CCDC85A: variants seen among roughly 807,000 people sequenced by gnomAD.
CCDC85A encodes coiled-coil domain containing 85A, also known as coiled-coil domain-containing protein 85A.
CCDC85A carries 38 observed loss-of-function variants against 50.2 expected under a neutral mutation model. The ratio of observed to expected loss-of-function variants is 0.76; its 90% CI spans 0.58 to 0.99. CCDC85A has a LOEUF of 0.99. CCDC85A is among the 50% of genes least tolerant of loss of function. CCDC85A has a pLI of 0.00. For missense variants in CCDC85A, 820 were observed against 742.0 expected (o/e 1.11, Z -1.22); for synonymous variants, 366 against 301.4 (o/e 1.21, Z -2.22).
chr2:56,339,455 C>T (rs538461159), intron 2 of CCDC85A, among the ~76,000 whole-genome samples: 1 of 152,220 alleles, frequency 6.6e-6, no homozygotes, highest in African/African-American at 2.4e-5. Flanking sequence ...TTGGTGAAAA[C>T]ATCAGATATA....
intron 1 of CCDC85A, among the ~76,000 whole-genome samples, chr2:56,191,469 G>C (rs956258761): frequency 5.9e-5 from 9 of 152,142 alleles, no homozygotes; most frequent in Non-Finnish European, 1.2e-4. Flanking sequence ...AGCCTTGTGT[G>C]ACTTAAAGGA....
chr2:56,299,717 G>A (rs1007407051), intron 2 of CCDC85A, among the ~76,000 whole-genome samples: 1 of 152,038 alleles, frequency 6.6e-6, no homozygotes, highest in Non-Finnish European at 1.5e-5. Context: ...TCAAGAAACC[G>A]GGTAAAGTAA....
At chr2:56,307,337 TA>T (rs11464453) in intron 2 of CCDC85A, among the ~76,000 whole-genome samples, 2 of 151,474 alleles carry the variant, frequency 1.3e-5, no homozygotes, top group Admixed American at 6.6e-5. Flanking sequence ...ATGCTTTTTT[TA>T]AAAAAAAACT....
intron 2 of CCDC85A, among the ~76,000 whole-genome samples, chr2:56,298,349 A>G (rs138857295): frequency 1.5e-4 from 23 of 152,282 alleles, no homozygotes; most frequent in Middle Eastern, 3.4e-3. Flanking sequence ...AGCAACATGG[A>G]ATTTCATATT....
rs564476714 is a variant in CCDC85A at position 56,351,761 on chromosome 2, C to G, written c.1317+8806C>G. On this transcript the variant is annotated intron_variant, in intron 3 of 5. Transcript: ENST00000407595. ...TAGATTCTGGATATTAGCCCTTTGT[C>G]AGATGAGTAGGTTGCGAAAATTTTC... Among the ~76,000 whole-genome samples, 324 of 151,106 alleles carry G rather than the reference C, an allele frequency of 2.1e-3. 2 individuals are homozygous for G. Among genetic ancestry groups the G allele is most frequent in the African/African-American group, 7.1e-3 (288 of 40,812 alleles).
chr2:56,192,392 T>C lies in CCDC85A; in HGVS notation c.277-85T>C, dbSNP rs1396627807. 6.6e-7 allele frequency: 1 copy of C among 1,521,298 alleles called. No homozygotes were observed. The highest frequency in any genetic ancestry group is 8.8e-7 in the Non-Finnish European group (1 of 1,135,840). The allele number at this position is 1,521,298 out of a possible 1,614,324, so 94.2% of individuals were successfully genotyped here. A position where few individuals can be genotyped will look rare whatever the true frequency, so the allele number is the denominator to read the frequency against. ...CTAACCTCACAGGTAATTCACCAGTTACAGGCTCTCCCTTTCCAGGAAGTC... is the reference window on the plus strand; with the variant it reads ...CTAACCTCACAGGTAATTCACCAGTCACAGGCTCTCCCTTTCCAGGAAGTC... On this transcript the variant is annotated intron_variant, in intron 1 of 5. Coordinates refer to ENST00000407595, the MANE Select transcript of CCDC85A (RefSeq NM_001080433.2). The surrounding 1 kb of genome is among the most constrained non-coding windows in gnomAD (Gnocchi z 4.7).
chr2:56,352,143 T>G (rs1229725131), intron 3 of CCDC85A, among the ~76,000 whole-genome samples: 1 of 152,344 alleles, frequency 6.6e-6, no homozygotes, highest in African/African-American at 2.4e-5. Context: ...AAAGTGAACA[T>G]GCTTATAAAT....
At chr2:56,355,630 A>G (rs767197397) in intron 3 of CCDC85A, among the ~76,000 whole-genome samples, 4 of 152,222 alleles carry the variant, frequency 2.6e-5, no homozygotes, top group Non-Finnish European at 4.4e-5. Flanking sequence ...AGAAAAATAA[A>G]ATAAGACAGC....
chr2:56,258,630 C>T (rs767708510), intron 2 of CCDC85A, among the ~76,000 whole-genome samples: 9 of 152,040 alleles, frequency 5.9e-5, no homozygotes, highest in Admixed American at 1.3e-4. Flanking sequence ...CAGGAGAGAC[C>T]GGAATATATC....
At chr2:56,215,529 T>A (rs540853731) in intron 2 of CCDC85A, among the ~76,000 whole-genome samples, 5 of 151,824 alleles carry the variant, frequency 3.3e-5, no homozygotes, top group Non-Finnish European at 7.4e-5. Flanking sequence ...TGTAGATTTT[T>A]AAAAAATCAA....
rs540601308 is a variant in CCDC85A, at chr2:56,357,979, A to G, written c.1318-14365A>G. Among the ~76,000 whole-genome samples, 62 of 152,204 alleles carry G rather than the reference A, an allele frequency of 4.1e-4. 1 individual carries two copies. In the South Asian group the frequency reaches 8.7e-3, roughly 21 times the overall value. On this transcript the variant is annotated intron_variant, in intron 3 of 5. Transcript: ENST00000407595. ...ATTCCCATTCTGACCCTGGCCCCCC[A>G]TGGTTATTCTATTTTGCAGGTGAGA...
chr2:56,207,370 G>A (rs1421912861), intron 2 of CCDC85A, among the ~76,000 whole-genome samples: 1 of 152,106 alleles, frequency 6.6e-6, no homozygotes, highest in African/African-American at 2.4e-5. Flanking sequence ...ACATTTGACT[G>A]GTTTGTTTGT....
rs745437450 is a variant in CCDC85A, at chr2:56,192,571, G to A, written c.371G>A (p.Arg124Gln). 94 of 1,613,850 alleles carry A rather than the reference G, an allele frequency of 5.8e-5. No homozygotes were observed. The highest frequency in any genetic ancestry group is 7.5e-5 in the Non-Finnish European group (88 of 1,179,886). ...DDRQKGKRVS[R>Q]EWQRLGRYTA... is the part of the protein sequence containing the mutation. ...CGGCAGAAAGGCAAGAGGGTGTCTCGGGAGTGGCAGAGACTGGGTCGCTAC... is the reference window on the plus strand; with the variant it reads ...CGGCAGAAAGGCAAGAGGGTGTCTCAGGAGTGGCAGAGACTGGGTCGCTAC... The change falls in exon 2 of 6, where the codon CGG (arginine) becomes CAG (glutamine). Residue 124 changes from arginine to glutamine, a missense_variant. Arg to Gln is a conservative substitution (Grantham distance 43). Transcript: ENST00000407595. This position sits in a 1 kb window ranked among gnomAD's most constrained non-coding sequence, Gnocchi z 4.7.
At chr2:56,367,130 T>C (rs781242473) in intron 3 of CCDC85A, among the ~76,000 whole-genome samples, 23 of 152,158 alleles carry the variant, frequency 1.5e-4, no homozygotes, top group Non-Finnish European at 2.8e-4. Flanking sequence ...GTATTCTCTA[T>C]GTGGGACTGG....
chr2:56,289,012 G>A (rs1044126191), intron 2 of CCDC85A, among the ~76,000 whole-genome samples: 13 of 152,222 alleles, frequency 8.5e-5, no homozygotes, highest in Admixed American at 3.3e-4. Context: ...AAGCAGAGGT[G>A]GCCTAAGTAG....
chr2:56,335,063 A>C (rs1674003888), intron 2 of CCDC85A, among the ~76,000 whole-genome samples: 1 of 152,212 alleles, frequency 6.6e-6, no homozygotes, highest in South Asian at 2.1e-4. Flanking sequence ...GTATGAATTA[A>C]ATATCCAGGC....
chr2:56,382,923 A>G (rs1405012124), intron 5 of CCDC85A, among the ~76,000 whole-genome samples: 1 of 151,978 alleles, frequency 6.6e-6, no homozygotes, highest in Non-Finnish European at 1.5e-5. Flanking sequence ...AGGAAAGTCC[A>G]TAGCATCCTT....
At chr2:56,326,594 C>T (rs1219136370) in intron 2 of CCDC85A, among the ~76,000 whole-genome samples, 2 of 152,062 alleles carry the variant, frequency 1.3e-5, no homozygotes, top group African/African-American at 4.8e-5. Flanking sequence ...TGGGTGAACA[C>T]ATTTAGGTTG....
chr2:56,269,722 C>T (rs1019776245), intron 2 of CCDC85A, among the ~76,000 whole-genome samples: 4 of 152,154 alleles, frequency 2.6e-5, no homozygotes, highest in African/African-American at 9.7e-5. Flanking sequence ...CCCATTAGCA[C>T]CATCATCCCC....
Sources: gnomAD v4.1 joint callset for allele counts (sites outside exome capture counted in the v4.1 genomes callset) on GRCh38, gnomAD v4.1.1 for gene constraint, Gnocchi (gnomAD v3.1) non-coding constraint, MANE v1.5 for transcripts, NCBI Gene and HGNC (gene_info 2026-07-23, HGNC 2026-07-21) for gene names.